Variants in FBLN5 observed in about 807,000 individuals in gnomAD.
FBLN5 encodes the protein fibulin 5.
Under a neutral mutation model 61.6 loss-of-function variants are expected in FBLN5, and 24 were observed. The observed-to-expected ratio is 0.39, with a 90% CI of 0.28 to 0.55. The LOEUF is 0.55. Among genes scored for constraint, FBLN5 ranks in the 20% least tolerant of loss-of-function variants. FBLN5 has a pLI of 0.65. For missense variants in FBLN5, 470 were observed against 594.1 expected, an observed-to-expected ratio of 0.79 and a Z score of 2.17; for synonymous variants, 213 against 219.8, an observed-to-expected ratio of 0.97 and a Z score of 0.27.
At position 91,891,205 on chromosome 14, in the gene FBLN5, C is replaced by A. The variant is rs1566806462; in HGVS notation, c.619+16G>T. The A allele has an allele frequency of 1.4e-6, 2 of 1,404,396 alleles. No homozygotes were observed. Among genetic ancestry groups the A allele is most frequent in the Non-Finnish European group, 2.0e-6 (2 of 988,456 alleles). 87.0% of individuals were successfully genotyped at this position (1,404,396 alleles called of 1,614,324 possible). On this transcript the variant is annotated intron_variant, in intron 6 of 10. Transcript: ENST00000342058. ...GTGTCTCACATCATGTCCAAGTTATCATGCACGTCACATACCTTGGCAAGA... is the reference window on the plus strand; with the variant it reads ...GTGTCTCACATCATGTCCAAGTTATAATGCACGTCACATACCTTGGCAAGA...
intron 1 of FBLN5, among the ~76,000 whole-genome samples, chr14:91,946,404 G>T (rs2056184837): frequency 6.6e-6 from 1 of 152,100 alleles, no homozygotes; most frequent in Non-Finnish European, 1.5e-5. Context: ...CGCCGGTGTT[G>T]TGCCTCAGCC....
intron 4 of FBLN5, among the ~76,000 whole-genome samples, chr14:91,901,637 C>T (rs1483792742): frequency 6.6e-6 from 1 of 152,200 alleles, no homozygotes; most frequent in Non-Finnish European, 1.5e-5. Flanking sequence ...TACACAGGAC[C>T]TACTTCCCAA....
At chr14:91,912,524 A>G (rs1208422807) in intron 4 of FBLN5, among the ~76,000 whole-genome samples, 1 of 152,176 alleles carries the variant, frequency 6.6e-6, no homozygotes, top group African/African-American at 2.4e-5. Flanking sequence ...ACACACCTGT[A>G]ATCTCAGCTA....
In FBLN5 at chr14:91,945,681, G is replaced by A. The variant is rs187714697; in HGVS notation, c.17+1532C>T. Among the ~76,000 whole-genome samples the A allele has an allele frequency of 3.8e-3, 586 of 152,212 alleles. 3 individuals are homozygous for A. Among genetic ancestry groups the A allele is most frequent in the Middle Eastern group, 6.8e-3 (2 of 294 alleles). Reference sequence around the variant, plus strand: ...TTAAGCTGACATCCAGAGGGAATAGGGCCCTGATACGATCTTAGGAGATGC... The same window carrying A: ...TTAAGCTGACATCCAGAGGGAATAGAGCCCTGATACGATCTTAGGAGATGC... On this transcript the variant is annotated intron_variant, in intron 1 of 10. Coordinates refer to ENST00000342058, the MANE Select transcript of FBLN5 (RefSeq NM_006329.4).
chr14:91,909,213 G>T (rs748491772), intron 4 of FBLN5, among the ~76,000 whole-genome samples: 1 of 152,060 alleles, frequency 6.6e-6, no homozygotes, highest in Non-Finnish European at 1.5e-5. Context: ...CACCGCGCCC[G>T]GCCAGGAATC....
At chr14:91,897,489 G>A (rs925393797) in intron 4 of FBLN5, among the ~76,000 whole-genome samples, 1 of 152,208 alleles carries the variant, frequency 6.6e-6, no homozygotes, top group South Asian at 2.1e-4. Flanking sequence ...GGAATGAAGG[G>A]TGAGGGTGAC....
chr14:91,881,351 C>G lies in FBLN5; in HGVS notation c.930G>C (p.Gly310=). The change falls in exon 9 of 11, where the codon GGG becomes GGC. Residue 310 remains glycine, a synonymous_variant. Coordinates refer to ENST00000342058, the MANE Select transcript of FBLN5 (RefSeq NM_006329.4). ...GGATGGGGTCAATGCATTTGAAGCC[C>G]CCTTGTAAATTGTAGCACGTCTGCT... The part of the protein sequence containing the change: ...NLQQTCYNLQ[G]GFKCIDPIRC... 1 of 1,614,120 alleles carries G rather than the reference C, an allele frequency of 6.2e-7. No homozygotes were observed. Among genetic ancestry groups the G allele is most frequent in the South Asian group, 1.1e-5 (1 of 91,084 alleles).
Position 91,909,475 on chromosome 14 carries a change from C to T in FBLN5, c.380-14403G>A, listed in dbSNP as rs887783326. Among the ~76,000 whole-genome samples the T allele has an allele frequency of 1.2e-4, 18 of 152,318 alleles. 2 individuals are homozygous for T. In the South Asian group the frequency reaches 3.1e-3, roughly 26 times the overall value. On this transcript the variant is annotated intron_variant, in intron 4 of 10. Coordinates refer to ENST00000342058, the MANE Select transcript of FBLN5 (RefSeq NM_006329.4). ...TTCATGTACTGAAATTCAGTTGCCA[C>T]TGTGACAGTATTAAAAGTGTGGGAA... is the stretch of plus-strand genomic sequence containing the variant.
Position 91,882,888 on chromosome 14 carries a change from G to T in FBLN5, c.862+66C>A. ...ATGATTCCCCAGGTGAGGATATCCA[G>T]ATGAGCCCCTGAAGCAGCTCCACCT... On this transcript the variant is annotated intron_variant, in intron 8 of 10. Transcript: ENST00000342058. The surrounding 1 kb of genome is among the most constrained non-coding windows in gnomAD (Gnocchi z 4.9). The T allele has an allele frequency of 6.3e-7, 1 of 1,585,980 alleles. No homozygotes were observed. Among genetic ancestry groups the T allele is most frequent in the Non-Finnish European group, 8.6e-7 (1 of 1,159,568 alleles).
intron 4 of FBLN5, among the ~76,000 whole-genome samples, chr14:91,914,477 C>CAAAAAGAAAAA (rs1891097578): frequency 1.7e-5 from 1 of 58,608 alleles, no homozygotes; most frequent in Non-Finnish European, 2.9e-5. Context: ...GACTCTGTCT[C>CAAAAAGAAAAA]AAAAAAAAAA....
chr14:91,876,217 G>A (rs1889155053), intron 10 of FBLN5, among the ~76,000 whole-genome samples: 1 of 152,190 alleles, frequency 6.6e-6, no homozygotes, highest in Non-Finnish European at 1.5e-5. Context: ...AGACAGCATG[G>A]ACCCTCGGAA....
rs1476829297 is a variant in FBLN5 at position 91,881,359 on chromosome 14, A to G, written c.922T>C (p.Leu308=). 1 of 1,614,114 alleles carries G rather than the reference A, an allele frequency of 6.2e-7. No homozygotes were observed. Among genetic ancestry groups the G allele is most frequent in the Non-Finnish European group, 8.5e-7 (1 of 1,180,004 alleles). ...TCNLQQTCYN[L]QGGFKCIDPI... ...TCAATGCATTTGAAGCCCCCTTGTA[A>G]ATTGTAGCACGTCTGCTGCAGGTTG... The change falls in exon 9 of 11, where the codon TTA becomes CTA. Residue 308 remains leucine (L), a synonymous_variant. Coordinates refer to ENST00000342058, the MANE Select transcript of FBLN5 (RefSeq NM_006329.4).
chr14:91,881,527 G>T, intron 8 of FBLN5, 109 bp from the exon 9 acceptor site: 3 of 1,181,482 alleles, frequency 2.5e-6, no homozygotes, highest in Non-Finnish European at 3.8e-6. Flanking sequence ...ATCCAATATG[G>T]CAGCAACAGG....
intron 4 of FBLN5, among the ~76,000 whole-genome samples, chr14:91,935,053 CT>C (rs1422851828): frequency 6.6e-6 from 1 of 152,336 alleles, no homozygotes; most frequent in East Asian, 1.9e-4. Context: ...TAATGCTGAA[CT>C]TTTTGGAAAT....
intron 4 of FBLN5, among the ~76,000 whole-genome samples, chr14:91,936,196 G>A (rs2056012165): frequency 1.3e-5 from 2 of 152,280 alleles, no homozygotes; most frequent in East Asian, 1.9e-4. Flanking sequence ...TAGACCAATG[G>A]TCTCTCAAAC....
At chr14:91,925,294 C>T (rs1265714076) in intron 4 of FBLN5, among the ~76,000 whole-genome samples, 1 of 152,218 alleles carries the variant, frequency 6.6e-6, no homozygotes, top group Admixed American at 6.5e-5. Flanking sequence ...CTGTCCCCAT[C>T]TCCCCTCTGG....
At chr14:91,873,232 A>G (rs1889020416) in intron 10 of FBLN5, among the ~76,000 whole-genome samples, 1 of 152,224 alleles carries the variant, frequency 6.6e-6, no homozygotes, top group Non-Finnish European at 1.5e-5. Context: ...GCCCGTGGGC[A>G]TTAGTAGGCT....
chr14:91,886,945 C>G (rs928880088), intron 7 of FBLN5, among the ~76,000 whole-genome samples: 1 of 152,124 alleles, frequency 6.6e-6, no homozygotes, highest in African/African-American at 2.4e-5. Flanking sequence ...CACCTCTGTC[C>G]TAGAAGGTAG....
chr14:91,910,248 T>C (rs1342479054), intron 4 of FBLN5, among the ~76,000 whole-genome samples: 1 of 152,170 alleles, frequency 6.6e-6, no homozygotes, highest in Non-Finnish European at 1.5e-5. Flanking sequence ...TTGGGGACAG[T>C]ATGCTAAGTG....
Sources: gnomAD v4.1 joint callset for allele counts (sites outside exome capture counted in the v4.1 genomes callset) on GRCh38, gnomAD v4.1.1 for gene constraint, Gnocchi (gnomAD v3.1) non-coding constraint, MANE v1.5 for transcripts, NCBI Gene and HGNC (gene_info 2026-07-23, HGNC 2026-07-21) for gene names.